UGT1A7: variants seen among roughly 807,000 people sequenced by gnomAD.
UGT1A7 encodes UDP glucuronosyltransferase family 1 member A7.
Under a neutral mutation model 45.6 loss-of-function variants are expected in UGT1A7, and 33 were observed. The ratio of observed to expected loss-of-function variants is 0.72; its 90% confidence interval spans 0.55 to 0.97. The LOEUF (loss-of-function observed/expected upper bound fraction) is 0.97, where lower values mean the gene tolerates loss of function less well. UGT1A7 is among the 50% of genes least tolerant of loss of function. The pLI is 0.00. For missense variants in UGT1A7, 684 were observed against 666.2 expected, an observed-to-expected ratio of 1.03 and a Z score of -0.29; for synonymous variants, 274 against 250.6, an observed-to-expected ratio of 1.09 and a Z score of -0.88.
At chr2:233,729,062 G>C in intron 1 of UGT1A7, 3 of 1,610,966 alleles carry the variant, frequency 1.9e-6, no homozygotes, top group South Asian at 2.2e-5. Context: ...TAATTAAGAT[G>C]AAGAAAGCAA....
intron 1 of UGT1A7, chr2:233,755,317 G>T: frequency 3.8e-6 from 2 of 525,706 alleles, no homozygotes; most frequent in Non-Finnish European, 6.2e-6. Flanking sequence ...CGAGCGGCAA[G>T]GCTGCCAGCA....
At chr2:233,765,641 G>C (rs914163891) in intron 1 of UGT1A7, among the ~76,000 whole-genome samples, 18 of 151,492 alleles carry the variant, frequency 1.2e-4, no homozygotes, top group Admixed American at 9.9e-4. Flanking sequence ...TTAGAGGATA[G>C]GTCAATAGGT....
rs375123865 is a variant in UGT1A7, at chr2:233,769,419, A to G, written c.1295+980A>G. ...TGCATATGTGCGTGTGCGTTTGTGC[A>G]TGTGGCTGTGCTCATGTGTGGGTGC... On this transcript the variant is annotated intron_variant, in intron 4 of 4. Transcript: ENST00000373426. The surrounding 1 kb of genome is among the most constrained non-coding windows in gnomAD (Gnocchi z 4.4). 1.9e-5 allele frequency: 27 copies of G among 1,449,888 alleles called. No individual in the cohort carries two copies. The highest frequency in any genetic ancestry group is 3.6e-4 in the Middle Eastern group (2 of 5,546). The allele number at this position is 1,449,888 out of a possible 1,614,324, so 89.8% of individuals were successfully genotyped here.
At chr2:233,730,738 C>A (rs998277069) in intron 1 of UGT1A7, among the ~76,000 whole-genome samples, 1 of 152,038 alleles carries the variant, frequency 6.6e-6, no homozygotes, top group Non-Finnish European at 1.5e-5. Flanking sequence ...GCGGAAGGGG[C>A]TAGGGAGGAG....
chr2:233,683,036 T>C (rs1001644335), intron 1 of UGT1A7, among the ~76,000 whole-genome samples: 1 of 152,182 alleles, frequency 6.6e-6, no homozygotes, highest in African/African-American at 2.4e-5. Context: ...ATCTAAATGC[T>C]ATTTTTGGAA....
intron 1 of UGT1A7, chr2:233,713,568 T>C: frequency 6.2e-7 from 1 of 1,613,984 alleles, no homozygotes; most frequent in South Asian, 1.1e-5. Context: ...CCCTTCCTCC[T>C]ATATTCCTAG....
intron 1 of UGT1A7, chr2:233,708,307 C>G (rs907085580): frequency 7.9e-5 from 12 of 152,182 alleles, no homozygotes; most frequent in African/African-American, 2.9e-4. Context: ...TTTGACAATC[C>G]AATAGGTAAA....
At chr2:233,757,089 G>C (rs553473050) in intron 1 of UGT1A7, among the ~76,000 whole-genome samples, 2 of 151,396 alleles carry the variant, frequency 1.3e-5, no homozygotes, top group Admixed American at 1.3e-4. Flanking sequence ...AGGGTAAGAG[G>C]CAGAGGGAGG....
At position 233,729,327 on chromosome 2, in the gene UGT1A7, G is replaced by A. The variant is rs199842881; in HGVS notation, c.856-37707G>A. On this transcript the variant is annotated intron_variant, in intron 1 of 4. Coordinates refer to ENST00000373426, the MANE Select transcript of UGT1A7 (RefSeq NM_019077.3). ...TGGTCCTCACCCCAGAGGTGAATATGCACATCAAAGAAGAGAACTTTTTCA... is the reference window on the plus strand; with the variant it reads ...TGGTCCTCACCCCAGAGGTGAATATACACATCAAAGAAGAGAACTTTTTCA... 117 of 1,614,124 alleles carry A rather than the reference G, an allele frequency of 7.2e-5. No individual in the cohort carries two copies. The highest frequency in any genetic ancestry group is 9.6e-5 in the Non-Finnish European group (113 of 1,180,042).
At chr2:233,690,375 G>T in intron 1 of UGT1A7, 1 of 907,388 alleles carries the variant, frequency 1.1e-6, no homozygotes, top group Admixed American at 2.8e-5. Context: ...TCTCCATAGG[G>T]TCCACGTTTC....
rs767667233 is a variant in UGT1A7, at chr2:233,769,803, C to T, written c.1295+1364C>T. ...CCAGAAGTTGGAGGCTGCTATGAGC[C>T]GTGATCATGCCACTGCACTCCAGCA... On this transcript the variant is annotated intron_variant, in intron 4 of 4. Coordinates refer to ENST00000373426, the MANE Select transcript of UGT1A7 (RefSeq NM_019077.3). This position sits in a 1 kb window ranked among gnomAD's most constrained non-coding sequence, Gnocchi z 4.4. 8.1e-6 allele frequency: 9 copies of T among 1,113,138 alleles called. No homozygotes were observed. Among genetic ancestry groups the T allele is most frequent in the Admixed American group, 3.0e-5 (1 of 33,080 alleles). 69.0% of individuals were successfully genotyped at this position (1,113,138 alleles called of 1,614,324 possible).
chr2:233,765,587 C>T (rs1353703058), intron 1 of UGT1A7, among the ~76,000 whole-genome samples: 1 of 151,970 alleles, frequency 6.6e-6, no homozygotes, highest in East Asian at 1.9e-4. Context: ...AGGGGAACAA[C>T]ACACACCAGG....
intron 1 of UGT1A7, chr2:233,743,590 T>C: frequency 1.5e-6 from 2 of 1,367,294 alleles, no homozygotes; most frequent in South Asian, 1.1e-5. Context: ...CAAAGGAGAA[T>C]GGGTCCTGGC....
At chr2:233,770,680 G>T (rs940972002) in intron 4 of UGT1A7, 1 of 151,464 alleles carries the variant, frequency 6.6e-6, no homozygotes, top group African/African-American at 2.4e-5. Flanking sequence ...AAAAAAGAAG[G>T]TTCCAAGAAA....
rs541555722 is a variant in UGT1A7 at position 233,725,921 on chromosome 2, T to C, written c.856-41113T>C. On this transcript the variant is annotated intron_variant, in intron 1 of 4. Coordinates refer to ENST00000373426, the MANE Select transcript of UGT1A7 (RefSeq NM_019077.3). ...TGGCTCACACCTGCAATTTCAGCCC[T>C]TTGGGAGACTGATGCAGGAGGATTG... Among the ~76,000 whole-genome samples the C allele has an allele frequency of 3.0e-4, 46 of 152,308 alleles. No individual in the cohort carries two copies. The South Asian group carries it at 8.7e-3, about 29-fold the overall frequency.
intron 1 of UGT1A7, chr2:233,761,180 C>A (rs374898247): frequency 6.2e-7 from 1 of 1,614,128 alleles, no homozygotes; most frequent in East Asian, 2.2e-5. Context: ...CTTTTACATG[C>A]GTATATTCTT....
chr2:233,748,112 C>G (rs879064318), intron 1 of UGT1A7: 2 of 1,611,964 alleles, frequency 1.2e-6, no homozygotes, highest in South Asian at 2.2e-5. Context: ...AATCAATGTT[C>G]CAGGCAAAAC....
At chr2:233,705,436 T>C (rs1284640676) in intron 1 of UGT1A7, among the ~76,000 whole-genome samples, 1 of 152,232 alleles carries the variant, frequency 6.6e-6, no homozygotes, top group Non-Finnish European at 1.5e-5. Context: ...TAACTTATCC[T>C]TCAGAATTGC....
chr2:233,729,599 C>G (rs61764030), intron 1 of UGT1A7: 161 of 1,613,870 alleles, frequency 1.0e-4, no homozygotes, highest in Admixed American at 2.2e-4. Flanking sequence ...AACCTCTGCG[C>G]GGCAGTGCTG....
Sources: allele counts gnomAD v4.1 joint callset (sites outside exome capture counted in the v4.1 genomes callset), GRCh38; gene constraint gnomAD v4.1.1; non-coding constraint Gnocchi (gnomAD v3.1); transcripts MANE v1.5; gene names NCBI Gene and HGNC (gene_info 2026-07-23, HGNC 2026-07-21).